NTRK2: variants seen among roughly 807,000 people sequenced by gnomAD.
NTRK2 encodes the protein neurotrophic receptor tyrosine kinase 2.
In NTRK2, 13 loss-of-function variants were observed where a neutral mutation model predicts 94.5. The observed-to-expected ratio is 0.14, with a 90% CI of 0.09 to 0.22. The LOEUF (loss-of-function observed/expected upper bound fraction) is 0.22, where lower values mean the gene tolerates loss of function less well. Ranked by LOEUF, NTRK2 falls within the 10% of genes least tolerant of loss-of-function variation. NTRK2 has a pLI of 1.00. For synonymous variants in NTRK2, 372 were observed against 407.4 expected (o/e 0.91, Z 1.05); for missense variants, 639 against 1,071.2 (o/e 0.60, Z 5.63).
intron 14 of NTRK2, among the ~76,000 whole-genome samples, chr9:84,913,163 A>C (rs2132506117): frequency 6.6e-6 from 1 of 152,074 alleles, no homozygotes; most frequent in South Asian, 2.1e-4. Context: ...TAACTTGAAC[A>C]TTTTTTAGAA....
At chr9:84,807,519 G>C (rs941643367) in intron 12 of NTRK2, among the ~76,000 whole-genome samples, 1 of 152,186 alleles carries the variant, frequency 6.6e-6, no homozygotes, top group African/African-American at 2.4e-5. Context: ...TTTTGATAAA[G>C]GAGCTGGTCT....
At chr9:84,973,770 A>G (rs1354127886) in intron 17 of NTRK2, among the ~76,000 whole-genome samples, 2 of 152,248 alleles carry the variant, frequency 1.3e-5, no homozygotes, top group Non-Finnish European at 2.9e-5. Flanking sequence ...AAGTCCTTTC[A>G]GCTCTAAAAG....
In NTRK2 at chr9:84,974,230, G is replaced by A. The variant is rs147535037; in HGVS notation, c.2172+18713G>A. The stretch of plus-strand genomic sequence containing the variant: ...CCTGATAACAGTGTCTGAACCCCAC[G>A]CATATCTGCTATCATACTATAGACT... On this transcript the variant is annotated intron_variant, in intron 17 of 18. Transcript: ENST00000277120. Among the ~76,000 whole-genome samples, 130 of 152,268 alleles carry A rather than the reference G, an allele frequency of 8.5e-4. 1 individual carries two copies. The East Asian group carries it at 0.023, about 27-fold the overall frequency.
intron 12 of NTRK2, among the ~76,000 whole-genome samples, chr9:84,816,832 G>A (rs2133645096): frequency 6.6e-6 from 1 of 150,844 alleles, no homozygotes; most frequent in South Asian, 2.1e-4. Flanking sequence ...CAGTGTTAGT[G>A]ACTTGTGCTT....
intron 12 of NTRK2, among the ~76,000 whole-genome samples, chr9:84,771,103 A>G (rs1354137762): frequency 6.6e-6 from 1 of 152,234 alleles, no homozygotes; most frequent in Non-Finnish European, 1.5e-5. Context: ...TAAGAGCTTG[A>G]GTCATGTCAC....
At chr9:84,841,637 C>T (rs1292310179) in intron 12 of NTRK2, among the ~76,000 whole-genome samples, 1 of 152,186 alleles carries the variant, frequency 6.6e-6, no homozygotes, top group African/African-American at 2.4e-5. Context: ...CGGAGGCCTT[C>T]CCTAACCATT....
chr9:84,698,934 T>C (rs893718236), intron 2 of NTRK2, among the ~76,000 whole-genome samples: 11 of 152,166 alleles, frequency 7.2e-5, no homozygotes, highest in African/African-American at 2.7e-4. Context: ...GGGGTAGATT[T>C]CCTGAGCAGT....
At chr9:84,803,212 G>T (rs2070710504) in intron 12 of NTRK2, among the ~76,000 whole-genome samples, 1 of 152,154 alleles carries the variant, frequency 6.6e-6, no homozygotes, top group African/African-American at 2.4e-5. Flanking sequence ...TTCTACTAAT[G>T]GTTGCTCCTG....
chr9:85,026,583 A>G lies in NTRK2; in HGVS notation c.*5146A>G, dbSNP rs1588219809. On this transcript the variant is annotated 3_prime_UTR_variant, in exon 19 of 19. Coordinates refer to ENST00000277120, the MANE Select transcript of NTRK2 (RefSeq NM_006180.6). ...TATGTAATCCCTTGACAAATGACCA[A>G]ATTATGGTGAACTATTGCTCCCTGC... is the stretch of plus-strand genomic sequence containing the variant. The G allele has an allele frequency of 1.3e-5, 3 of 232,980 alleles. No homozygotes were observed. The highest frequency in any genetic ancestry group is 6.1e-5 in the East Asian group (1 of 16,518). 14.4% of individuals were successfully genotyped at this position (232,980 alleles called of 1,614,324 possible). A position where few individuals can be genotyped will look rare whatever the true frequency, so the allele number is the denominator to read the frequency against.
At chr9:84,843,847 G>A (rs1218518589) in intron 12 of NTRK2, among the ~76,000 whole-genome samples, 1 of 152,222 alleles carries the variant, frequency 6.6e-6, no homozygotes, top group Admixed American at 6.5e-5. Context: ...ACAGTTTTAT[G>A]TGAGCAGACA....
At chr9:84,897,332 T>G (rs1341589795) in intron 14 of NTRK2, among the ~76,000 whole-genome samples, 2 of 152,136 alleles carry the variant, frequency 1.3e-5, no homozygotes, top group Non-Finnish European at 2.9e-5. Context: ...AGACAGAGGT[T>G]CAACATGTTG....
At chr9:84,871,998 A>G in intron 14 of NTRK2, 1 of 1,523,394 alleles carries the variant, frequency 6.6e-7, no homozygotes, top group East Asian at 2.4e-5. Flanking sequence ...AAGACAAAGC[A>G]GTGTGCTCTA....
chr9:84,793,264 C>A (rs1366576651), intron 12 of NTRK2, among the ~76,000 whole-genome samples: 2 of 149,240 alleles, frequency 1.3e-5, no homozygotes, highest in Non-Finnish European at 3.0e-5. Context: ...ACAGAGGTGC[C>A]TGTGACAAAT....
intron 17 of NTRK2, among the ~76,000 whole-genome samples, chr9:84,981,908 G>T (rs1827673865): frequency 6.6e-6 from 1 of 152,226 alleles, no homozygotes; most frequent in African/African-American, 2.4e-5. Flanking sequence ...CAGTAATTCA[G>T]TGGGGAAGTG....
At chr9:84,741,774 C>T in intron 9 of NTRK2, 118 bp from the exon 10 acceptor site, 3 of 783,508 alleles carry the variant, frequency 3.8e-6, no homozygotes. Flanking sequence ...CCTGTGAAAG[C>T]AGTCTATTAA....
chr9:84,921,655 G>A (rs2077570347), intron 14 of NTRK2, among the ~76,000 whole-genome samples: 1 of 152,146 alleles, frequency 6.6e-6, no homozygotes, highest in Non-Finnish European at 1.5e-5. Flanking sequence ...GTAGTGTCAG[G>A]ATATGGCTGG....
chr9:84,810,667 G>A lies in NTRK2; in HGVS notation c.1397-50373G>A, dbSNP rs939101198. The A allele has an allele frequency of 4.6e-5, 74 of 1,607,544 alleles. No individual in the cohort carries two copies. In the African/African-American group the frequency reaches 8.3e-4, roughly 18 times the overall value. ...AGCTGGACTCCTGGGACTGCTGTTG[G>A]CTTATCCCGGGAAGTGCTGCTTATC... On this transcript the variant is annotated intron_variant, in intron 12 of 18. Transcript: ENST00000277120.
intron 2 of NTRK2, 63 bp downstream of exon 2, chr9:84,671,023 G>A: frequency 6.7e-7 from 1 of 1,492,904 alleles, no homozygotes; most frequent in South Asian, 1.2e-5. Flanking sequence ...TGGCCAGGTG[G>A]GTAGGTCCTG....
chr9:84,810,531 G>GT (rs750910023), intron 12 of NTRK2: 1 of 1,611,630 alleles, frequency 6.2e-7, no homozygotes, highest in Non-Finnish European at 8.5e-7. Context: ...TTTATTTTGT[G>GT]TTTCTTTTAG....
Sources: gnomAD v4.1 joint callset for allele counts (sites outside exome capture counted in the v4.1 genomes callset) on GRCh38, gnomAD v4.1.1 for gene constraint, MANE v1.5 for transcripts, NCBI Gene and HGNC (gene_info 2026-07-23, HGNC 2026-07-21) for gene names.